MACROH2A1: variants seen among roughly 807,000 people sequenced by gnomAD.
The protein encoded by MACROH2A1 is core histone macro-H2A.1.
Under a neutral mutation model 31.6 loss-of-function variants are expected in MACROH2A1, and 2 were observed. That is an observed-to-expected ratio of 0.06 (90% CI 0.03 to 0.20). The LOEUF (loss-of-function observed/expected upper bound fraction) is 0.20, where lower values mean the gene tolerates loss of function less well. MACROH2A1 is among the 10% of genes least tolerant of loss of function. MACROH2A1 has a pLI of 1.00. For synonymous variants in MACROH2A1, 169 were observed against 189.6 expected (o/e 0.89, Z 0.89); for missense variants, 230 against 474.0 (o/e 0.49, Z 4.78).
chr5:135,347,198 T>C (rs1232846538), intron 6 of MACROH2A1: 1 of 152,086 alleles, frequency 6.6e-6, no homozygotes, highest in Non-Finnish European at 1.5e-5. Context: ...ATGACCAGGG[T>C]TAATTATCTT....
At chr5:135,375,144 C>T (rs1764685383) in intron 2 of MACROH2A1, among the ~76,000 whole-genome samples, 1 of 152,222 alleles carries the variant, frequency 6.6e-6, no homozygotes. Flanking sequence ...TTTCAAAACA[C>T]ATAAGCCTCT....
intron 4 of MACROH2A1, among the ~76,000 whole-genome samples, chr5:135,364,691 T>C (rs1213831131): frequency 2.6e-5 from 4 of 152,252 alleles, no homozygotes; most frequent in Admixed American, 6.5e-5. Flanking sequence ...GAAAGACTTA[T>C]GTAAAATCAT....
intron 4 of MACROH2A1, among the ~76,000 whole-genome samples, chr5:135,366,554 A>C (rs896985883): frequency 6.6e-6 from 1 of 152,036 alleles, no homozygotes; most frequent in Non-Finnish European, 1.5e-5. Context: ...CCACACTGCT[A>C]AAATAGGGGG....
intron 2 of MACROH2A1, among the ~76,000 whole-genome samples, chr5:135,386,041 C>A (rs193207106): frequency 3.3e-4 from 51 of 152,338 alleles, no homozygotes; most frequent in Non-Finnish European, 8.8e-5. Context: ...ACTTCCTTCT[C>A]ACTCAAGGGC....
intron 1 of MACROH2A1, among the ~76,000 whole-genome samples, chr5:135,390,849 C>T (rs1220201484): frequency 6.6e-6 from 1 of 152,220 alleles, no homozygotes; most frequent in East Asian, 1.9e-4. Context: ...ACAGAGATGG[C>T]TGTGAGGACA....
chr5:135,343,592 C>CA, intron 7 of MACROH2A1, 158 bp from the exon 8 acceptor site: 1 of 1,156,972 alleles, frequency 8.6e-7, no homozygotes, highest in Non-Finnish European at 1.2e-6. Context: ...CGTTGTGATT[C>CA]CAACGTGAGC....
rs774889963 is a variant in MACROH2A1 at position 135,343,440 on chromosome 5, G to A, written c.779-6C>T. 3.7e-6 allele frequency: 6 copies of A among 1,613,102 alleles called. No homozygotes were observed. In the South Asian group the frequency reaches 6.6e-5, roughly 18 times the overall value. On this transcript the variant is annotated splice_polypyrimidine_tract_variant and splice_region_variant and intron_variant, in intron 7 of 8. Coordinates refer to ENST00000511689, the MANE Select transcript of MACROH2A1 (RefSeq NM_138610.3). The stretch of plus-strand genomic sequence containing the variant: ...ATGGCCTGCGCTGACAGCAGCTAGT[G>A]GTGCGGGGATGAAACAGAAACAGTG...
rs1762602737 is a variant in MACROH2A1 at position 135,359,731 on chromosome 5, C to G, written c.588+766G>C. 5 of 967,138 alleles carry G rather than the reference C, an allele frequency of 5.2e-6. No homozygotes were observed. In the South Asian group the frequency reaches 1.9e-4, roughly 37 times the overall value. 59.9% of individuals were successfully genotyped at this position (967,138 alleles called of 1,614,324 possible). On this transcript the variant is annotated intron_variant, in intron 5 of 8. Coordinates refer to ENST00000511689, the MANE Select transcript of MACROH2A1 (RefSeq NM_138610.3). ...CTAAACACAGATTAACTTGGAACGT[C>G]AAATTCATTCCTTTAATTCTTTAAG...
chr5:135,377,355 A>G (rs577525557), intron 2 of MACROH2A1, among the ~76,000 whole-genome samples: 5 of 152,386 alleles, frequency 3.3e-5, no homozygotes, highest in Admixed American at 6.5e-5. Context: ...TTGATAGGGA[A>G]AACCACAGCC....
rs60617820 is a variant in MACROH2A1 at position 135,339,682 on chromosome 5, T to C, written c.953+3578A>G. Among the ~76,000 whole-genome samples the C allele has an allele frequency of 8.6e-3, 1,304 of 152,326 alleles. 22 individuals are homozygous for C. The highest frequency in any genetic ancestry group is 0.03 in the African/African-American group (1,239 of 41,560). On this transcript the variant is annotated intron_variant, in intron 8 of 8. Coordinates refer to ENST00000511689, the MANE Select transcript of MACROH2A1 (RefSeq NM_138610.3). ...CCTCGCACTGTGCTGTGGGCTGCTC[T>C]TAGGCCTTTACCATTTTTTAGTAAT...
chr5:135,361,735 T>C (rs1762874279), intron 4 of MACROH2A1: 1 of 152,280 alleles, frequency 6.6e-6, no homozygotes, highest in Non-Finnish European at 1.5e-5. Flanking sequence ...GCCTGTGTCC[T>C]ATCCATTTGC....
At chr5:135,353,171 G>C (rs551347813) in intron 5 of MACROH2A1, 126 bp from the exon 6 acceptor site, 33 of 672,108 alleles carry the variant, frequency 4.9e-5, no homozygotes, top group Non-Finnish European at 8.4e-5. Context: ...GAAGCAGGGA[G>C]TTGCTGGCTC....
chr5:135,339,862 G>A (rs920261392), intron 8 of MACROH2A1, among the ~76,000 whole-genome samples: 1 of 152,216 alleles, frequency 6.6e-6, no homozygotes, highest in Non-Finnish European at 1.5e-5. Context: ...CTAGAGAGGG[G>A]ATGGGGCAGC....
At chr5:135,348,663 G>A (rs942786109) in intron 6 of MACROH2A1, among the ~76,000 whole-genome samples, 4 of 152,244 alleles carry the variant, frequency 2.6e-5, no homozygotes, top group Non-Finnish European at 5.9e-5. Context: ...GTTTATCATT[G>A]GGATTGTAAA....
intron 2 of MACROH2A1, among the ~76,000 whole-genome samples, chr5:135,385,941 C>T (rs942257554): frequency 2.5e-4 from 38 of 152,166 alleles, no homozygotes; most frequent in Non-Finnish European, 2.4e-4. Context: ...GAGCCTAGCA[C>T]GGTGCCTGGC....
chr5:135,353,099 G>A, intron 5 of MACROH2A1, 54 bp from the exon 6 acceptor site: 4 of 1,141,742 alleles, frequency 3.5e-6, no homozygotes, highest in Non-Finnish European at 5.3e-6. Context: ...AAGTCTCAGA[G>A]AAGGAGCCTT....
chr5:135,342,180 G>A (rs1381539288), intron 8 of MACROH2A1, among the ~76,000 whole-genome samples: 3 of 152,208 alleles, frequency 2.0e-5, no homozygotes, highest in African/African-American at 7.2e-5. Context: ...AATGGGCAGT[G>A]GGACACAATC....
intron 2 of MACROH2A1, among the ~76,000 whole-genome samples, chr5:135,381,143 A>G (rs984797278): frequency 6.6e-6 from 1 of 152,246 alleles, no homozygotes; most frequent in African/African-American, 2.4e-5. Flanking sequence ...GAAATATTCA[A>G]TTGTGTTTGG....
chr5:135,337,298 G>A (rs1453562372), intron 8 of MACROH2A1, among the ~76,000 whole-genome samples: 1 of 152,242 alleles, frequency 6.6e-6, no homozygotes, highest in African/African-American at 2.4e-5. Flanking sequence ...CTCCAACAAC[G>A]GTTAGCTACA....
Sources: gnomAD v4.1 joint callset for allele counts (sites outside exome capture counted in the v4.1 genomes callset) on GRCh38, gnomAD v4.1.1 for gene constraint, MANE v1.5 for transcripts, NCBI Gene and HGNC (gene_info 2026-07-23, HGNC 2026-07-21) for gene names.